MAST4: variants seen among roughly 807,000 people sequenced by gnomAD.
The protein encoded by MAST4 is microtubule associated serine/threonine kinase family member 4, also known as microtubule-associated serine/threonine-protein kinase 4.
Under a neutral mutation model 162.7 loss-of-function variants are expected in MAST4, and 89 were observed. That is an observed-to-expected ratio of 0.55 (90% CI 0.46 to 0.65). The LOEUF is 0.65. Among genes scored for constraint, MAST4 ranks in the 30% least tolerant of loss-of-function variants. MAST4 has a pLI of 0.00. For synonymous variants in MAST4, 1,479 were observed against 1,361.1 expected, an observed-to-expected ratio of 1.09 and a Z score of -1.91; for missense variants, 3,153 against 3,374.0, an observed-to-expected ratio of 0.93 and a Z score of 1.62.
At chr5:66,791,053 C>T (rs999920534) in intron 3 of MAST4, among the ~76,000 whole-genome samples, 5 of 151,916 alleles carry the variant, frequency 3.3e-5, no homozygotes, top group African/African-American at 7.3e-5. Flanking sequence ...GATGGAGTTT[C>T]GCTCCTGTTG....
chr5:66,636,845 G>A (rs1485302591), intron 1 of MAST4, among the ~76,000 whole-genome samples: 4 of 152,206 alleles, frequency 2.6e-5, no homozygotes, highest in Non-Finnish European at 5.9e-5. Context: ...TGCTTAAGAG[G>A]ATGGTTAGCT....
chr5:67,033,174 TAA>T (rs1278993482), intron 4 of MAST4, among the ~76,000 whole-genome samples: 3 of 142,396 alleles, frequency 2.1e-5, no homozygotes. Flanking sequence ...ATCTAACCCT[TAA>T]AAAAAAAAAA....
intron 1 of MAST4, among the ~76,000 whole-genome samples, chr5:66,649,838 G>A (rs1561237618): frequency 6.6e-6 from 1 of 152,130 alleles, no homozygotes; most frequent in Non-Finnish European, 1.5e-5. Context: ...TCTGAGGTGG[G>A]TGGATTGCAG....
intron 4 of MAST4, chr5:67,001,632 T>A (rs959522211): frequency 6.6e-6 from 1 of 152,200 alleles, no homozygotes; most frequent in Non-Finnish European, 1.5e-5. Flanking sequence ...TTTTATGTCA[T>A]TGATTTATCC....
chr5:67,025,269 G>C (rs529654908), intron 4 of MAST4, among the ~76,000 whole-genome samples: 1 of 152,190 alleles, frequency 6.6e-6, no homozygotes, highest in African/African-American at 2.4e-5. Flanking sequence ...CAGATATCAA[G>C]ATCTAGAGGC....
chr5:67,052,795 A>G (rs1758346997), intron 4 of MAST4, among the ~76,000 whole-genome samples: 1 of 152,188 alleles, frequency 6.6e-6, no homozygotes, highest in African/African-American at 2.4e-5. Context: ...ATTTGCTGAA[A>G]GAAGTTTGCT....
chr5:66,985,096 C>A (rs1467967458), intron 4 of MAST4, among the ~76,000 whole-genome samples: 1 of 152,022 alleles, frequency 6.6e-6, no homozygotes, highest in Admixed American at 6.6e-5. Context: ...TGAGACACTG[C>A]AGATTGAAAT....
At chr5:66,847,834 A>AAAAC (rs1758983122) in intron 3 of MAST4, among the ~76,000 whole-genome samples, 2 of 151,028 alleles carry the variant, frequency 1.3e-5, no homozygotes, top group Non-Finnish European at 3.0e-5. Context: ...AAAAAAAAAA[A>AAAAC]AAAAAAAAAG....
chr5:66,991,149 TG>T (rs1312135959), intron 4 of MAST4, among the ~76,000 whole-genome samples: 1 of 152,216 alleles, frequency 6.6e-6, no homozygotes, highest in Non-Finnish European at 1.5e-5. Context: ...ACTGGCTGGC[TG>T]GTTTGCATAT....
intron 2 of MAST4, among the ~76,000 whole-genome samples, chr5:66,775,256 TG>T (rs1754543255): frequency 6.6e-6 from 1 of 152,076 alleles, no homozygotes. Context: ...GCTTGAGAGA[TG>T]GCCATTTGGA....
chr5:66,636,044 G>A (rs1481206302), intron 1 of MAST4, among the ~76,000 whole-genome samples: 1 of 123,916 alleles, frequency 8.1e-6, no homozygotes, highest in Non-Finnish European at 1.6e-5. Flanking sequence ...TGCAACCTCC[G>A]CCTCCTGGGT....
intron 1 of MAST4, among the ~76,000 whole-genome samples, chr5:66,754,222 G>T (rs1292009397): frequency 1.3e-5 from 2 of 152,034 alleles, no homozygotes; most frequent in Non-Finnish European, 2.9e-5. Context: ...ACTGGAAGAG[G>T]AGTGGAGTAG....
rs185126661 is a variant in MAST4 at position 66,694,549 on chromosome 5, C to T, written c.364-65160C>T. Among the ~76,000 whole-genome samples the T allele has an allele frequency of 6.1e-4, 92 of 152,054 alleles. 1 individual carries two copies. The highest frequency in any genetic ancestry group is 3.4e-3 in the Middle Eastern group (1 of 294). ...TTGACCAGGCCAGAGTGCAGTGGCA[C>T]GATCTCGGTTCACTGCAACCTCTAC... On this transcript the variant is annotated intron_variant, in intron 1 of 28. Coordinates refer to ENST00000403625, the MANE Select transcript of MAST4 (RefSeq NM_001164664.2).
intron 2 of MAST4, among the ~76,000 whole-genome samples, chr5:66,768,030 G>A (rs562523189): frequency 1.3e-5 from 2 of 152,238 alleles, no homozygotes; most frequent in African/African-American, 2.4e-5. Context: ...ATCATCACAA[G>A]TAGGGAAGTG....
At chr5:66,806,475 C>A (rs26386) in intron 3 of MAST4, among the ~76,000 whole-genome samples, 24,438 of 152,178 alleles carry the variant, frequency 0.16, 2,268 homozygotes, top group East Asian at 0.44. Flanking sequence ...GTGCTGAAAG[C>A]TCTTCATTAA....
intron 4 of MAST4, among the ~76,000 whole-genome samples, chr5:67,014,101 T>C (rs1022658826): frequency 1.3e-5 from 2 of 152,192 alleles, no homozygotes; most frequent in African/African-American, 4.8e-5. Flanking sequence ...TCAGATTTTT[T>C]TTTTTTCCAT....
chr5:66,838,270 C>T (rs1393439820), intron 3 of MAST4, among the ~76,000 whole-genome samples: 1 of 152,048 alleles, frequency 6.6e-6, no homozygotes, highest in African/African-American at 2.4e-5. Context: ...CTTAGATACT[C>T]TTCAATAATG....
At chr5:67,146,833 A>G (rs563358737) in intron 23 of MAST4, among the ~76,000 whole-genome samples, 4 of 152,330 alleles carry the variant, frequency 2.6e-5, no homozygotes, top group African/African-American at 9.6e-5. Context: ...AACCTATTAG[A>G]CTAAGATGCC....
At chr5:66,662,264 C>A (rs1025745929) in intron 1 of MAST4, 1 of 151,978 alleles carries the variant, frequency 6.6e-6, no homozygotes, top group Non-Finnish European at 1.5e-5. Flanking sequence ...TTCTTATTGC[C>A]CTTCCATTTT....
Sources: allele counts gnomAD v4.1 joint callset (sites outside exome capture counted in the v4.1 genomes callset), GRCh38; gene constraint gnomAD v4.1.1; transcripts MANE v1.5; gene names NCBI Gene and HGNC (gene_info 2026-07-23, HGNC 2026-07-21).